CYP2C8: variants seen among roughly 807,000 people sequenced by gnomAD.
The protein encoded by CYP2C8 is cytochrome P450 2C8.
A neutral mutation model predicts 41.3 loss-of-function variants in CYP2C8; 51 were observed. That is an observed-to-expected ratio of 1.24 (90% CI 0.99 to 1.56). The LOEUF is 1.56. CYP2C8 is among the 40% of genes most tolerant of loss of function. CYP2C8 has a pLI of 0.00. For synonymous variants in CYP2C8, 218 were observed against 205.8 expected, an observed-to-expected ratio of 1.06 and a Z score of -0.51; for missense variants, 651 against 579.9, an observed-to-expected ratio of 1.12 and a Z score of -1.26.
chr10:95,057,575 G>A (rs1457055466), intron 5 of CYP2C8, among the ~76,000 whole-genome samples: 2 of 151,938 alleles, frequency 1.3e-5, no homozygotes, highest in African/African-American at 4.8e-5. Context: ...CAGTAATTAA[G>A]ACTTCAAAAT....
intron 5 of CYP2C8, among the ~76,000 whole-genome samples, chr10:95,048,712 G>C (rs558974329): frequency 1.3e-5 from 2 of 152,156 alleles, no homozygotes; most frequent in Non-Finnish European, 2.9e-5. Context: ...TTGCAGGAAA[G>C]AGCCACCTAC....
chr10:95,050,557 T>C (rs2033194560), intron 5 of CYP2C8, among the ~76,000 whole-genome samples: 1 of 152,156 alleles, frequency 6.6e-6, no homozygotes, highest in South Asian at 2.1e-4. Flanking sequence ...CCAGTTTCAA[T>C]TGACTCAGAA....
chr10:95,060,876 G>A (rs2033413517), intron 4 of CYP2C8, among the ~76,000 whole-genome samples: 2 of 152,080 alleles, frequency 1.3e-5, no homozygotes, highest in South Asian at 2.1e-4. Flanking sequence ...TTTTTAAAAG[G>A]CCTTTTCTGC....
At chr10:95,064,708 G>A in intron 4 of CYP2C8, 92 bp downstream of exon 4, 1 of 1,231,338 alleles carries the variant, frequency 8.1e-7, no homozygotes, top group Non-Finnish European at 1.2e-6. Context: ...TTGTATAAAA[G>A]CATTTTAGTA....
chr10:95,043,218 A>G, intron 6 of CYP2C8, 141 bp from the exon 7 acceptor site: 1 of 724,948 alleles, frequency 1.4e-6, no homozygotes, highest in South Asian at 1.7e-5. Flanking sequence ...ACAACCAGCC[A>G]TATAAAAAGA....
At chr10:95,059,494 G>T (rs1284667896) in intron 4 of CYP2C8, among the ~76,000 whole-genome samples, 1 of 151,838 alleles carries the variant, frequency 6.6e-6, no homozygotes, top group Non-Finnish European at 1.5e-5. Flanking sequence ...GGGTTGTTTG[G>T]TTTTTTTCTT....
intron 7 of CYP2C8, among the ~76,000 whole-genome samples, chr10:95,041,996 C>T (rs1934985): frequency 0.64 from 97,264 of 151,820 alleles, 31,845 homozygotes; most frequent in African/African-American, 0.76. Flanking sequence ...CATTTCAAAC[C>T]ATATTCGTGA....
intron 1 of CYP2C8, among the ~76,000 whole-genome samples, chr10:95,067,988 G>A (rs938566393): frequency 6.6e-6 from 1 of 152,134 alleles, no homozygotes; most frequent in East Asian, 1.9e-4. Flanking sequence ...AAGAAACTGA[G>A]GCCAGAGAAT....
intron 3 of CYP2C8, among the ~76,000 whole-genome samples, chr10:95,065,217 C>A (rs913930133): frequency 2.6e-5 from 4 of 152,132 alleles, no homozygotes; most frequent in Non-Finnish European, 2.9e-5. Context: ...ACTCTTTTAA[C>A]CCCAAGTGTC....
At chr10:95,062,158 G>C (rs144791249) in intron 4 of CYP2C8, among the ~76,000 whole-genome samples, 11 of 152,032 alleles carry the variant, frequency 7.2e-5, no homozygotes, top group Non-Finnish European at 1.5e-4. Context: ...TATTAGGTCC[G>C]CTTGGTGCAG....
At chr10:95,069,160 A>G in intron 1 of CYP2C8, 75 bp downstream of exon 1, 2 of 1,491,970 alleles carry the variant, frequency 1.3e-6, no homozygotes, top group Non-Finnish European at 1.9e-6. Flanking sequence ...GCTTCCAGGA[A>G]TATATTTTGT....
intron 6 of CYP2C8, 84 bp from the exon 7 acceptor site, chr10:95,043,161 A>G: frequency 1.5e-6 from 2 of 1,293,342 alleles, no homozygotes; most frequent in Admixed American, 3.5e-5. Context: ...TTAACATGAT[A>G]TAAAAATCCC....
intron 7 of CYP2C8, among the ~76,000 whole-genome samples, chr10:95,042,238 A>G (rs1436558296): frequency 6.6e-6 from 1 of 152,228 alleles, no homozygotes; most frequent in Non-Finnish European, 1.5e-5. Flanking sequence ...AAAATAAGAT[A>G]TAAAATACAT....
chr10:95,047,099 C>T (rs185450534), intron 5 of CYP2C8, among the ~76,000 whole-genome samples: 111 of 152,252 alleles, frequency 7.3e-4, no homozygotes, highest in African/African-American at 2.4e-3. Context: ...TGCCATGTGA[C>T]GTGCCTGTTC....
At chr10:95,064,662 GT>G (rs2033520206) in intron 4 of CYP2C8, 137 bp downstream of exon 4, 1 of 837,858 alleles carries the variant, frequency 1.2e-6, no homozygotes, top group Non-Finnish European at 1.9e-6. Context: ...GAAATCAAAG[GT>G]GGTAATTATT....
intron 7 of CYP2C8, chr10:95,039,259 A>G (rs2032950158): frequency 1.9e-6 from 1 of 537,196 alleles, no homozygotes. Flanking sequence ...CTTGTGTGCA[A>G]CCTTCTGAAT....
chr10:95,040,798 T>A, intron 7 of CYP2C8: 2 of 386,540 alleles, frequency 5.2e-6, no homozygotes, highest in South Asian at 3.8e-5. Context: ...TTTTCATATA[T>A]AATATCTGGT....
chr10:95,049,057 G>A (rs1156352300), intron 5 of CYP2C8, among the ~76,000 whole-genome samples: 2 of 151,970 alleles, frequency 1.3e-5, no homozygotes, highest in South Asian at 4.1e-4. Flanking sequence ...GAAAATATTT[G>A]CAAAATATAC....
Position 95,068,423 on chromosome 10 carries a change from A to G in CYP2C8, c.169-732T>C, listed in dbSNP as rs184310913. 3.0e-5 allele frequency: 12 copies of G among 398,206 alleles called. No homozygotes were observed. The Admixed American group carries it at 3.0e-4, about 10-fold the overall frequency. The allele number at this position is 398,206 out of a possible 1,614,324, so 24.7% of individuals were successfully genotyped here. A position where few individuals can be genotyped will look rare whatever the true frequency, so the allele number is the denominator to read the frequency against. ...TTAACTACCTATTGGGCCCTGACTG[A>G]TTACTTCTTTCTTTCATGCACTTAT... On this transcript the variant is annotated intron_variant, in intron 1 of 8. Coordinates refer to ENST00000371270, the MANE Select transcript of CYP2C8 (RefSeq NM_000770.3).
Sources: gnomAD v4.1 joint callset for allele counts (sites outside exome capture counted in the v4.1 genomes callset) on GRCh38, gnomAD v4.1.1 for gene constraint, MANE v1.5 for transcripts, NCBI Gene and HGNC (gene_info 2026-07-23, HGNC 2026-07-21) for gene names.